The following SEMA5B variants were observed in gnomAD, a reference collection of about 807,000 sequenced individuals.
SEMA5B encodes the protein semaphorin 5B, also known as semaphorin-5B.
A neutral mutation model predicts 135.0 loss-of-function variants in SEMA5B; 66 were observed. That is an observed-to-expected ratio of 0.49 (90% CI 0.40 to 0.60). SEMA5B has a LOEUF of 0.60. Ranked by LOEUF, SEMA5B falls within the 20% of genes least tolerant of loss-of-function variation. The pLI, the probability that SEMA5B is intolerant of heterozygous loss-of-function variation, is 0.00. For missense variants in SEMA5B, 1,501 were observed against 1,566.3 expected (o/e 0.96, Z 0.70); for synonymous variants, 690 against 639.5 (o/e 1.08, Z -1.19).
intron 1 of SEMA5B, among the ~76,000 whole-genome samples, chr3:123,021,715 G>T (rs1416021235): frequency 6.6e-6 from 1 of 152,210 alleles, no homozygotes; most frequent in Non-Finnish European, 1.5e-5. Context: ...ATCAGCTCTG[G>T]CAGGGAACGA....
At chr3:122,929,579 A>C (rs1231434055) in intron 5 of SEMA5B, among the ~76,000 whole-genome samples, 1 of 152,138 alleles carries the variant, frequency 6.6e-6, no homozygotes, top group Non-Finnish European at 1.5e-5. Flanking sequence ...GTTCTGTGTG[A>C]CCTAAGCAAG....
At chr3:122,966,164 A>G (rs1201513832) in intron 1 of SEMA5B, among the ~76,000 whole-genome samples, 2 of 151,992 alleles carry the variant, frequency 1.3e-5, no homozygotes, top group African/African-American at 4.8e-5. Flanking sequence ...CTTATTTGGC[A>G]CTTAATCAAA....
intron 1 of SEMA5B, among the ~76,000 whole-genome samples, chr3:122,988,324 A>G (rs1941762795): frequency 6.6e-6 from 1 of 152,238 alleles, no homozygotes; most frequent in Non-Finnish European, 1.5e-5. Flanking sequence ...CAGCTCTAGC[A>G]TGAAACCCCA....
chr3:122,930,185 G>T (rs1162746708), intron 5 of SEMA5B, among the ~76,000 whole-genome samples: 5 of 152,212 alleles, frequency 3.3e-5, no homozygotes, highest in Non-Finnish European at 7.3e-5. Context: ...GGGGAGGCAG[G>T]GGGCCGGGAG....
At chr3:122,944,151 A>AATCACT (rs1939683970) in intron 3 of SEMA5B, among the ~76,000 whole-genome samples, 1 of 152,186 alleles carries the variant, frequency 6.6e-6, no homozygotes, top group South Asian at 2.1e-4. Context: ...TCCCAAGTCC[A>AATCACT]GTGCCTGGCA....
intron 1 of SEMA5B, among the ~76,000 whole-genome samples, chr3:122,974,077 GGA>G: frequency 2.0e-5 from 3 of 152,232 alleles, no homozygotes; most frequent in Middle Eastern, 6.8e-3. Flanking sequence ...CTGGCTGAGG[GGA>G]GAGAGAGCCC....
Position 122,922,202 on chromosome 3 carries a change from C to A in SEMA5B, c.1480+38G>T, listed in dbSNP as rs111878779. ...AGCCCCGCGCCGTCCCTCAACCCAC[C>A]CCCGACCTGCAGTCCAGGTTGGACC... is the stretch of plus-strand genomic sequence containing the variant. On this transcript the variant is annotated intron_variant, in intron 11 of 22. Transcript: ENST00000357599. 8.4e-5 allele frequency: 134 copies of A among 1,587,736 alleles called. No individual in the cohort carries two copies. The African/African-American group carries it at 1.6e-3, about 20-fold the overall frequency.
rs746881375 is a variant in SEMA5B at position 122,915,865 on chromosome 3, A to T, written c.1714T>A (p.Tyr572Asn). 2 of 1,613,854 alleles carry T rather than the reference A, an allele frequency of 1.2e-6. No individual in the cohort carries two copies. Among genetic ancestry groups the T allele is most frequent in the Admixed American group, 1.7e-5 (1 of 60,000 alleles). ...QGACLGARDP[Y>N]CGWDGKQQRC... is the part of the protein sequence containing the mutation. The stretch of plus-strand genomic sequence containing the variant: ...TGCTGCTTCCCGTCCCAGCCACAGT[A>T]CGGGTCCCGGGCCCCCAGGCATGCC... Residue 572 changes from tyrosine to asparagine, a missense_variant, in exon 13 of 23, where the codon TAC becomes AAC. By Grantham distance (143) the Tyr-to-Asn change is moderately radical (BLOSUM62 -2). This residue lies in a region of SEMA5B where 927 missense variants were observed against 881.6 expected (regional missense o/e 1.05). Coordinates refer to ENST00000357599, the MANE Select transcript of SEMA5B (RefSeq NM_001031702.4).
chr3:122,969,247 C>T (rs556010526), intron 1 of SEMA5B, among the ~76,000 whole-genome samples: 1 of 152,354 alleles, frequency 6.6e-6, no homozygotes, highest in East Asian at 1.9e-4. Flanking sequence ...GCTCTCAGAT[C>T]TCTTTGATGC....
At chr3:122,961,002 A>G in intron 2 of SEMA5B, 138 bp downstream of exon 2, 2 of 897,958 alleles carry the variant, frequency 2.2e-6, no homozygotes, top group Non-Finnish European at 1.6e-6. Context: ...ATTTTTAAAA[A>G]GGAAGAGCTG....
chr3:122,911,678 C>T (rs1937717868), intron 20 of SEMA5B, 143 bp from the exon 21 acceptor site: 3 of 1,001,166 alleles, frequency 3.0e-6, no homozygotes, highest in Non-Finnish European at 1.4e-6. Context: ...ATTCCCCTCC[C>T]TCTCTCCTCA....
intron 2 of SEMA5B, among the ~76,000 whole-genome samples, chr3:122,951,292 G>A (rs11707039): frequency 0.13 from 19,461 of 152,146 alleles, 1,436 homozygotes; most frequent in South Asian, 0.2. Flanking sequence ...GCTTATATTA[G>A]CATTGATATA....
intron 1 of SEMA5B, among the ~76,000 whole-genome samples, chr3:122,992,118 T>C (rs6767857): frequency 0.041 from 6,315 of 152,254 alleles, 417 homozygotes; most frequent in African/African-American, 0.14. Flanking sequence ...GTCCAAGGGC[T>C]GTGGTTCTCC....
intron 1 of SEMA5B, among the ~76,000 whole-genome samples, chr3:122,983,247 G>C (rs1941581962): frequency 6.6e-6 from 1 of 152,004 alleles, no homozygotes. Flanking sequence ...GTACATCTAA[G>C]TCATCTCAAG....
At chr3:123,019,437 A>C (rs1942629591) in intron 1 of SEMA5B, among the ~76,000 whole-genome samples, 1 of 152,012 alleles carries the variant, frequency 6.6e-6, no homozygotes, top group Admixed American at 6.6e-5. Flanking sequence ...TGAAACACAA[A>C]AGTTAGTCAG....
At chr3:122,961,091 T>C in intron 2 of SEMA5B, 49 bp downstream of exon 2, 1 of 1,536,226 alleles carries the variant, frequency 6.5e-7, no homozygotes, top group Non-Finnish European at 8.8e-7. Context: ...TGCTCTCCCC[T>C]CAGTCTGGTA....
rs748517054 is a variant in SEMA5B at position 122,943,498 on chromosome 3, T to G, written c.366A>C (p.Gly122=). The change falls in exon 4 of 23, where the codon GGA becomes GGC. Residue 122 remains glycine (G), a synonymous_variant. Coordinates refer to ENST00000357599, the MANE Select transcript of SEMA5B (RefSeq NM_001031702.4). ...QPWVSNFTYP[G]ARDFSQLALD... is the part of the protein sequence containing the mutation. Reference sequence around the variant, plus strand: ...AAGCCAGCTGGGAGAAATCCCGGGCTCCAGGGTAGGTGAAGTTAGAGACCC... The same window carrying G: ...AAGCCAGCTGGGAGAAATCCCGGGCGCCAGGGTAGGTGAAGTTAGAGACCC... The G allele has an allele frequency of 4.3e-6, 7 of 1,610,334 alleles. No individual in the cohort carries two copies. In the East Asian group the frequency reaches 1.6e-4, roughly 36 times the overall value.
At chr3:122,994,810 G>C (rs1159831884) in intron 1 of SEMA5B, among the ~76,000 whole-genome samples, 1 of 152,186 alleles carries the variant, frequency 6.6e-6, no homozygotes, top group Non-Finnish European at 1.5e-5. Context: ...TACTTCATAG[G>C]GCTGTTGTGA....
chr3:122,966,323 A>G (rs1285410450), intron 1 of SEMA5B, among the ~76,000 whole-genome samples: 1 of 152,150 alleles, frequency 6.6e-6, no homozygotes, highest in East Asian at 1.9e-4. Context: ...GATGCTTTGG[A>G]GGGTGCAAAG....
Sources: gnomAD v4.1 joint callset for allele counts (sites outside exome capture counted in the v4.1 genomes callset) on GRCh38, gnomAD v4.1.1 for gene constraint, gnomAD v4.1.1 regional missense constraint, MANE v1.5 for transcripts, NCBI Gene and HGNC (gene_info 2026-07-23, HGNC 2026-07-21) for gene names.